Variants in TXNRD1 observed in about 807,000 individuals in gnomAD.
The protein encoded by TXNRD1 is thioredoxin reductase 1, also known as thioredoxin reductase 1, cytoplasmic.
A neutral mutation model predicts 80.3 loss-of-function variants in TXNRD1; 57 were observed. The ratio of observed to expected loss-of-function variants is 0.71; its 90% CI spans 0.57 to 0.89. TXNRD1 has a LOEUF of 0.89. Among genes scored for constraint, TXNRD1 ranks in the 40% least tolerant of loss-of-function variants. The pLI is 0.00. For missense variants in TXNRD1, 730 were observed against 803.0 expected (o/e 0.91, Z 1.10); for synonymous variants, 291 against 285.2 (o/e 1.02, Z -0.20).
chr12:104,331,999 T>A (rs1488655127), intron 14 of TXNRD1, among the ~76,000 whole-genome samples: 1 of 152,148 alleles, frequency 6.6e-6, no homozygotes. Context: ...TAATTTTCAT[T>A]TTCTAATTCT....
At chr12:104,258,936 CA>C (rs2033308884) in intron 3 of TXNRD1, among the ~76,000 whole-genome samples, 1 of 151,986 alleles carries the variant, frequency 6.6e-6, no homozygotes, top group Non-Finnish European at 1.5e-5. Context: ...TATCGAAAAA[CA>C]AAAAGGATCT....
intron 10 of TXNRD1, among the ~76,000 whole-genome samples, chr12:104,324,272 GA>G (rs1454257526): frequency 6.6e-6 from 1 of 151,688 alleles, no homozygotes; most frequent in Non-Finnish European, 1.5e-5. Flanking sequence ...ATATAAGAAG[GA>G]AAGGGAATTC....
intron 9 of TXNRD1, 38 bp from the exon 10 acceptor site, chr12:104,321,052 CT>C (rs745623236): frequency 7.1e-7 from 1 of 1,409,764 alleles, no homozygotes; most frequent in African/African-American, 1.5e-5. Context: ...TAGGAACTTT[CT>C]TTTTCTTCTT....
intron 3 of TXNRD1, chr12:104,265,328 T>C: frequency 6.2e-7 from 1 of 1,608,768 alleles, no homozygotes. Flanking sequence ...TCGGGCACGC[T>C]ACGAGAGTAC....
Position 104,237,675 on chromosome 12 carries a change from G to A in TXNRD1, c.92-13852G>A, listed in dbSNP as rs11559899. On this transcript the variant is annotated intron_variant, in intron 1 of 16. Transcript: ENST00000525566. ...CTGTCTGTGTTGTTATAGATGTGTT[G>A]TGTGTAATGTCTATAAAAACAGCTC... 1.2e-3 allele frequency among the ~76,000 whole-genome samples: 187 copies of A among 152,290 alleles called. 3 individuals carry two copies. The East Asian group carries it at 0.03, about 24-fold the overall frequency.
intron 5 of TXNRD1, among the ~76,000 whole-genome samples, chr12:104,312,753 T>G (rs2035184752): frequency 6.6e-6 from 1 of 152,240 alleles, no homozygotes; most frequent in South Asian, 2.1e-4. Flanking sequence ...TAGGAAATCT[T>G]GTAATACAGA....
chr12:104,309,966 T>C (rs762735559), intron 4 of TXNRD1: 198 of 1,530,224 alleles, frequency 1.3e-4, no homozygotes, highest in Admixed American at 6.1e-4. Context: ...CACAGTGCTG[T>C]GCTTCCTCCT....
chr12:104,250,474 C>G (rs915729399), intron 1 of TXNRD1, among the ~76,000 whole-genome samples: 16 of 151,976 alleles, frequency 1.1e-4, no homozygotes, highest in African/African-American at 3.6e-4. Flanking sequence ...AGTGTAGGTT[C>G]TAGAGAATGA....
At chr12:104,299,136 G>T (rs1213317535) in intron 4 of TXNRD1, among the ~76,000 whole-genome samples, 1 of 152,106 alleles carries the variant, frequency 6.6e-6, no homozygotes, top group Non-Finnish European at 1.5e-5. Context: ...TCCTCTTTAA[G>T]GAGCAGGCAG....
intron 3 of TXNRD1, among the ~76,000 whole-genome samples, chr12:104,267,787 C>CTTCCTTCCTTCT (rs2033563579): frequency 1.4e-5 from 2 of 140,594 alleles, no homozygotes; most frequent in African/African-American, 2.7e-5. Context: ...CCCTTCCCTC[C>CTTCCTTCCTTCT]TTCCTTCCTT....
intron 3 of TXNRD1, among the ~76,000 whole-genome samples, chr12:104,264,427 C>T (rs868215976): frequency 1.3e-5 from 2 of 152,124 alleles, no homozygotes; most frequent in East Asian, 1.9e-4. Flanking sequence ...TCTCCCATAG[C>T]GAATGAGGAG....
At chr12:104,240,981 T>C (rs190324296) in intron 1 of TXNRD1, among the ~76,000 whole-genome samples, 39 of 151,942 alleles carry the variant, frequency 2.6e-4, no homozygotes, top group Admixed American at 2.2e-3. Context: ...GACTTCGTGA[T>C]CCGCCCGCCT....
intron 11 of TXNRD1, among the ~76,000 whole-genome samples, chr12:104,325,758 G>A (rs1298356922): frequency 6.6e-6 from 1 of 151,946 alleles, no homozygotes; most frequent in Non-Finnish European, 1.5e-5. Context: ...TGTAGTCCCA[G>A]CTATTCGGGA....
intron 15 of TXNRD1, among the ~76,000 whole-genome samples, chr12:104,338,899 G>A (rs1413390414): frequency 6.6e-6 from 1 of 151,874 alleles, no homozygotes; most frequent in South Asian, 2.1e-4. Flanking sequence ...TGTATTTTTA[G>A]TAGAGACGGG....
chr12:104,289,065 T>C, intron 4 of TXNRD1, 25 bp downstream of exon 4: 1 of 1,604,198 alleles, frequency 6.2e-7, no homozygotes, highest in African/African-American at 1.3e-5. Context: ...CGTATCTTTT[T>C]AAACGGGGGA....
intron 3 of TXNRD1, among the ~76,000 whole-genome samples, chr12:104,275,217 G>T (rs1053563944): frequency 6.6e-6 from 1 of 151,018 alleles, no homozygotes; most frequent in Admixed American, 6.6e-5. Flanking sequence ...GGCAGAGGTT[G>T]CAGTGAGCTG....
chr12:104,306,609 G>A (rs1459990352), intron 4 of TXNRD1, among the ~76,000 whole-genome samples: 1 of 152,148 alleles, frequency 6.6e-6, no homozygotes, highest in African/African-American at 2.4e-5. Context: ...TTCATGTATG[G>A]AGATGAGGTT....
chr12:104,248,275 A>G (rs531296398), intron 1 of TXNRD1, among the ~76,000 whole-genome samples: 3 of 145,448 alleles, frequency 2.1e-5, no homozygotes, highest in Non-Finnish European at 4.4e-5. Flanking sequence ...ATGTTTGTTT[A>G]TTTATTTATT....
intron 4 of TXNRD1, among the ~76,000 whole-genome samples, chr12:104,298,309 CTT>C (rs1371724094): frequency 6.6e-6 from 1 of 152,156 alleles, no homozygotes; most frequent in African/African-American, 2.4e-5. Flanking sequence ...ACTGTACACA[CTT>C]TGAATAGTTG....
Sources: gnomAD v4.1 joint callset for allele counts (sites outside exome capture counted in the v4.1 genomes callset) on GRCh38, gnomAD v4.1.1 for gene constraint, MANE v1.5 for transcripts, NCBI Gene and HGNC (gene_info 2026-07-23, HGNC 2026-07-21) for gene names.